TCF20: variants seen among roughly 807,000 people sequenced by gnomAD.
The protein encoded by TCF20 is SPRE-binding protein.
In TCF20, 3 loss-of-function variants were observed where a neutral mutation model predicts 148.6. The observed-to-expected ratio is 0.02, with a 90% CI of 0.01 to 0.05. TCF20 has a LOEUF of 0.05. Ranked by LOEUF, TCF20 falls within the 10% of genes least tolerant of loss-of-function variation. TCF20 has a pLI of 1.00. For synonymous variants in TCF20, 1,049 were observed against 909.5 expected (o/e 1.15, Z -2.76); for missense variants, 2,350 against 2,429.3 (o/e 0.97, Z 0.69).
At chr22:42,195,986 C>T (rs1937587582) in intron 2 of TCF20, among the ~76,000 whole-genome samples, 1 of 152,202 alleles carries the variant, frequency 6.6e-6, no homozygotes, top group Admixed American at 6.5e-5. Flanking sequence ...CTTGGGGAGC[C>T]TATCTGGTGA....
intron 1 of TCF20, among the ~76,000 whole-genome samples, chr22:42,258,266 C>T (rs1025151479): frequency 8.2e-5 from 12 of 147,170 alleles, no homozygotes; most frequent in East Asian, 1.9e-4. Context: ...CTCCATACCT[C>T]CCCCCCCTTC....
intron 1 of TCF20, among the ~76,000 whole-genome samples, chr22:42,259,086 CCT>C (rs1402962461): frequency 2.0e-5 from 3 of 152,206 alleles, no homozygotes; most frequent in Non-Finnish European, 4.4e-5. Flanking sequence ...TTGTCTACTG[CCT>C]CTGACACGAA....
At chr22:42,334,474 C>G (rs1174173034) in intron 1 of TCF20, among the ~76,000 whole-genome samples, 1 of 152,222 alleles carries the variant, frequency 6.6e-6, no homozygotes, top group Non-Finnish European at 1.5e-5. Context: ...GCAGCCAGTT[C>G]ACTCAGTCAG....
chr22:42,227,070 G>GC (rs1431669942), intron 1 of TCF20, among the ~76,000 whole-genome samples: 1 of 152,130 alleles, frequency 6.6e-6, no homozygotes, highest in Admixed American at 6.5e-5. Context: ...AACACACGAG[G>GC]CCAGGAGTTC....
upstream of TCF20, among the ~76,000 whole-genome samples, chr22:42,287,143 C>T (rs1250356865): frequency 6.6e-6 from 1 of 152,088 alleles, no homozygotes; most frequent in East Asian, 1.9e-4. Flanking sequence ...ATTTCCAAGG[C>T]GACAACTCCC....
chr22:42,277,733 A>G (rs77822046), intron 1 of TCF20, among the ~76,000 whole-genome samples: 2,791 of 152,340 alleles, frequency 0.018, 94 homozygotes, highest in African/African-American at 0.064. Flanking sequence ...CACAGGACAC[A>G]AGCCAGTATG....
intron 2 of TCF20, among the ~76,000 whole-genome samples, chr22:42,207,363 G>GT (rs199510539): frequency 0.014 from 2,067 of 150,638 alleles, 41 homozygotes; most frequent in African/African-American, 0.047. Context: ...AAAAAAAAAT[G>GT]TTTTTTTTTC....
chr22:42,240,251 C>T (rs555323747), intron 1 of TCF20, among the ~76,000 whole-genome samples: 24 of 152,240 alleles, frequency 1.6e-4, no homozygotes, highest in African/African-American at 5.3e-4. Flanking sequence ...AAAAATCAGG[C>T]GACTGGCTGC....
At chr22:42,307,726 G>T (rs954351351) in intron 1 of TCF20, among the ~76,000 whole-genome samples, 1 of 152,216 alleles carries the variant, frequency 6.6e-6, no homozygotes, top group East Asian at 1.9e-4. Flanking sequence ...GAGGCCTCCT[G>T]TGCCACTCAC....
intron 1 of TCF20, among the ~76,000 whole-genome samples, chr22:42,224,676 C>A (rs757566431): frequency 1.3e-5 from 2 of 150,418 alleles, no homozygotes; most frequent in African/African-American, 4.9e-5. Context: ...GAAGAAAAAA[C>A]TGGCAACAAC....
At chr22:42,258,323 T>C (rs1925853072) in intron 1 of TCF20, among the ~76,000 whole-genome samples, 1 of 152,122 alleles carries the variant, frequency 6.6e-6, no homozygotes, top group South Asian at 2.1e-4. Flanking sequence ...CTTACATTCC[T>C]GCCCCATGCG....
At chr22:42,316,200 C>T (rs1287699464) in intron 1 of TCF20, among the ~76,000 whole-genome samples, 1 of 151,746 alleles carries the variant, frequency 6.6e-6, no homozygotes, top group Non-Finnish European at 1.5e-5. Flanking sequence ...GCCCTGGCAG[C>T]TTCCAAGGAA....
chr22:42,203,199 C>A (rs770354156), intron 2 of TCF20, among the ~76,000 whole-genome samples: 90 of 151,788 alleles, frequency 5.9e-4, no homozygotes, highest in Non-Finnish European at 2.2e-4. Context: ...GGCTAATTTT[C>A]GTATTTTTGG....
chr22:42,232,100 C>T (rs1394433835), intron 1 of TCF20, among the ~76,000 whole-genome samples: 1 of 152,116 alleles, frequency 6.6e-6, no homozygotes. Context: ...CTGACTCACC[C>T]AGAACAACTT....
intron 1 of TCF20, among the ~76,000 whole-genome samples, chr22:42,277,758 C>G (rs1403856397): frequency 6.6e-6 from 1 of 152,226 alleles, no homozygotes; most frequent in Non-Finnish European, 1.5e-5. Flanking sequence ...TAGACGCGAT[C>G]CTGCCCTGTG....
chr22:42,178,585 CTTTTTTTT>C (rs71184870), intron 3 of TCF20, among the ~76,000 whole-genome samples: 9 of 78,428 alleles, frequency 1.1e-4, no homozygotes, highest in South Asian at 9.5e-4. Context: ...ACAAATAATT[CTTTTTTTT>C]TTTTTTTTTT....
intron 1 of TCF20, among the ~76,000 whole-genome samples, chr22:42,295,298 C>A (rs900391939): frequency 2.6e-5 from 4 of 152,182 alleles, no homozygotes; most frequent in Non-Finnish European, 5.9e-5. Context: ...TGAGCCAGCC[C>A]TACCCTTTCA....
At chr22:42,222,068 G>A (rs1478343191) in intron 1 of TCF20, among the ~76,000 whole-genome samples, 4 of 152,160 alleles carry the variant, frequency 2.6e-5, no homozygotes, top group Admixed American at 2.6e-4. Flanking sequence ...TGACCATGCA[G>A]AGACAGAGCA....
Position 42,212,513 on chromosome 22 carries a change from T to C in TCF20, c.2793A>G (p.Glu931=), listed in dbSNP as rs777176117. 38 of 1,614,094 alleles carry C rather than the reference T, an allele frequency of 2.4e-5. No homozygotes were observed. Among genetic ancestry groups the C allele is most frequent in the Non-Finnish European group, 3.4e-6 (4 of 1,180,024 alleles). Reference sequence around the variant, plus strand: ...CTTGAGATTTAGACTGTTCAAAGTCTTCCTCTTTTATCTGCCCGCTCTGGG... The same window carrying C: ...CTTGAGATTTAGACTGTTCAAAGTCCTCCTCTTTTATCTGCCCGCTCTGGG... The part of the protein sequence containing the change: ...LKSQSGQIKE[E]DFEQSKSQAS... Residue 931 remains glutamate (E), a synonymous_variant, in exon 2 of 6, where the codon GAA becomes GAG. Transcript: ENST00000677622.
Sources: allele counts gnomAD v4.1 joint callset (sites outside exome capture counted in the v4.1 genomes callset), GRCh38; gene constraint gnomAD v4.1.1; transcripts MANE v1.5; gene names NCBI Gene and HGNC (gene_info 2026-07-23, HGNC 2026-07-21).